The following MCC variants were observed in gnomAD, a reference collection of about 807,000 sequenced individuals.
MCC encodes the protein MCC regulator of Wnt signaling pathway, also known as colorectal mutant cancer protein.
A neutral mutation model predicts 116.2 loss-of-function variants in MCC; 90 were observed. The ratio of observed to expected loss-of-function variants is 0.77; its 90% CI spans 0.65 to 0.92. The LOEUF (loss-of-function observed/expected upper bound fraction) is 0.92. Ranked by LOEUF, MCC falls within the 40% of genes least tolerant of loss-of-function variation. The pLI, the probability that MCC is intolerant of heterozygous loss-of-function variation, is 0.00. For synonymous variants in MCC, 578 were observed against 510.5 expected (o/e 1.13, Z -1.78); for missense variants, 1,516 against 1,312.2 (o/e 1.16, Z -2.40).
At chr5:113,171,883 T>C (rs1304613404) in intron 3 of MCC, among the ~76,000 whole-genome samples, 1 of 152,150 alleles carries the variant, frequency 6.6e-6, no homozygotes, top group African/African-American at 2.4e-5. Flanking sequence ...AGCCCCTACA[T>C]AAGGAAGGCT....
chr5:113,131,041 A>G (rs1204478887), intron 5 of MCC, among the ~76,000 whole-genome samples: 1 of 152,160 alleles, frequency 6.6e-6, no homozygotes, highest in Non-Finnish European at 1.5e-5. Context: ...ACCACAGTTC[A>G]GTTCATAGCA....
At chr5:113,331,409 G>A (rs536845258) in intron 3 of MCC, among the ~76,000 whole-genome samples, 17 of 151,710 alleles carry the variant, frequency 1.1e-4, no homozygotes, top group African/African-American at 3.4e-4. Context: ...TCTAGACCAG[G>A]ACAGGGGTAT....
chr5:113,275,622 T>G (rs1020899574), intron 3 of MCC, among the ~76,000 whole-genome samples: 1 of 152,160 alleles, frequency 6.6e-6, no homozygotes, highest in Admixed American at 6.5e-5. Flanking sequence ...TTTCCATGGA[T>G]TCTACCAACC....
chr5:113,483,999 C>A (rs573701225), intron 1 of MCC, among the ~76,000 whole-genome samples: 42 of 152,188 alleles, frequency 2.8e-4, no homozygotes, highest in African/African-American at 9.4e-4. Context: ...ATGGTGAGAA[C>A]ACATGGACAC....
At chr5:113,319,246 T>A (rs779888663) in intron 3 of MCC, among the ~76,000 whole-genome samples, 3 of 152,204 alleles carry the variant, frequency 2.0e-5, no homozygotes, top group Non-Finnish European at 4.4e-5. Context: ...GTAAATTTAG[T>A]CTAGCTAAAT....
chr5:113,391,886 T>C (rs534447833), intron 1 of MCC, among the ~76,000 whole-genome samples: 1 of 152,284 alleles, frequency 6.6e-6, no homozygotes, highest in East Asian at 1.9e-4. Flanking sequence ...GGGTTGTGTT[T>C]TGTCACAAAC....
At chr5:113,077,174 A>G (rs1315031947) in intron 11 of MCC, among the ~76,000 whole-genome samples, 1 of 152,218 alleles carries the variant, frequency 6.6e-6, no homozygotes, top group Non-Finnish European at 1.5e-5. Context: ...TTAGAGACCT[A>G]CAAAGAGACT....
chr5:113,356,389 T>C (rs1768415546), intron 2 of MCC, among the ~76,000 whole-genome samples: 1 of 148,164 alleles, frequency 6.7e-6, no homozygotes, highest in Non-Finnish European at 1.5e-5. Flanking sequence ...TTATATATTT[T>C]ATATAAATAT....
At chr5:113,081,840 A>G (rs1754877521) in intron 11 of MCC, among the ~76,000 whole-genome samples, 1 of 152,238 alleles carries the variant, frequency 6.6e-6, no homozygotes, top group South Asian at 2.1e-4. Flanking sequence ...GACTAACATG[A>G]TAATTCAATT....
At chr5:113,409,797 A>G (rs747733764) in intron 1 of MCC, among the ~76,000 whole-genome samples, 1 of 152,234 alleles carries the variant, frequency 6.6e-6, no homozygotes. Flanking sequence ...GATAGTGAGG[A>G]CAAGGATATT....
At chr5:113,233,251 C>A (rs189838051) in intron 3 of MCC, among the ~76,000 whole-genome samples, 2 of 152,264 alleles carry the variant, frequency 1.3e-5, no homozygotes, top group Non-Finnish European at 2.9e-5. Flanking sequence ...ATGTATGTAA[C>A]ACCTACCATG....
chr5:113,117,920 C>A (rs1375037874), intron 6 of MCC, among the ~76,000 whole-genome samples: 1 of 152,252 alleles, frequency 6.6e-6, no homozygotes, highest in African/African-American at 2.4e-5. Flanking sequence ...ATTCCCCCAT[C>A]AGCCCTAGAG....
At chr5:113,307,624 G>A (rs1767021432) in intron 3 of MCC, among the ~76,000 whole-genome samples, 1 of 152,050 alleles carries the variant, frequency 6.6e-6, no homozygotes, top group Non-Finnish European at 1.5e-5. Flanking sequence ...CAATCTGGAT[G>A]TTTTTATTTC....
At chr5:113,044,404 G>T in intron 16 of MCC, 3 of 739,364 alleles carry the variant, frequency 4.1e-6, no homozygotes, top group Non-Finnish European at 5.0e-6. Context: ...GACCATGCCT[G>T]AGTGCTCTAC....
chr5:113,440,278 G>A (rs1388665950), intron 1 of MCC, among the ~76,000 whole-genome samples: 1 of 151,880 alleles, frequency 6.6e-6, no homozygotes, highest in Non-Finnish European at 1.5e-5. Context: ...ATGGCCCTTA[G>A]AAAAAAGTAG....
At chr5:113,222,408 C>T (rs1477040243) in intron 3 of MCC, among the ~76,000 whole-genome samples, 1 of 152,152 alleles carries the variant, frequency 6.6e-6, no homozygotes, top group Non-Finnish European at 1.5e-5. Context: ...CTGATTTTGG[C>T]ATTAAGGTAA....
chr5:113,353,321 T>G (rs920642045), intron 2 of MCC, among the ~76,000 whole-genome samples: 1 of 152,172 alleles, frequency 6.6e-6, no homozygotes, highest in African/African-American at 2.4e-5. Context: ...GAGCACTAGC[T>G]TTGGCTTTGG....
intron 3 of MCC, among the ~76,000 whole-genome samples, chr5:113,278,713 G>A (rs1269757011): frequency 6.6e-6 from 1 of 152,146 alleles, no homozygotes; most frequent in African/African-American, 2.4e-5. Flanking sequence ...GAATGTGAGC[G>A]ACGTGGCTGG....
Position 113,143,332 on chromosome 5 carries a change from T to G in MCC, c.770A>C (p.His257Pro). 6.2e-7 allele frequency: 1 copy of G among 1,613,880 alleles called. No homozygotes were observed. Among genetic ancestry groups the G allele is most frequent in the Non-Finnish European group, 8.5e-7 (1 of 1,179,984 alleles). The change falls in exon 5 of 19, where the codon CAT (histidine) becomes CCT (proline). Residue 257 changes from histidine (H) to proline (P), a missense_variant. His to Pro is a moderately conservative substitution (Grantham distance 77). Coordinates refer to ENST00000408903, the MANE Select transcript of MCC (RefSeq NM_001085377.2). ...QCEQSHLMRE[H>P]EDVQERTTLR... is the part of the protein sequence containing the mutation. ...TGTCGTTCGCTCCTGGACATCCTCA[T>G]GCTCTCTCATGAGGTGGGACTGCTC...
Sources: gnomAD v4.1 joint callset for allele counts (sites outside exome capture counted in the v4.1 genomes callset) on GRCh38, gnomAD v4.1.1 for gene constraint, MANE v1.5 for transcripts, NCBI Gene and HGNC (gene_info 2026-07-23, HGNC 2026-07-21) for gene names.